The following TG variants were observed in gnomAD, a reference collection of about 807,000 sequenced individuals.
The protein encoded by TG is thyroglobulin, also known as thyroid hormones.
Under a neutral mutation model 324.7 loss-of-function variants are expected in TG, and 270 were observed. The observed-to-expected ratio is 0.83, with a 90% CI of 0.75 to 0.92. The LOEUF is 0.92. TG is among the 40% of genes least tolerant of loss of function. The probability of loss-of-function intolerance (pLI) is 0.00; values close to 1 mark genes in which losing one functional copy is unlikely to be tolerated. For synonymous variants in TG, 1,401 were observed against 1,327.0 expected (o/e 1.06, Z -1.21); for missense variants, 3,591 against 3,456.4 (o/e 1.04, Z -0.98).
chr8:132,991,007 T>A (rs1047358557), intron 35 of TG, among the ~76,000 whole-genome samples: 24 of 150,722 alleles, frequency 1.6e-4, no homozygotes, highest in African/African-American at 5.9e-4. Flanking sequence ...GAGGGAGAAG[T>A]TGAACCTTAG....
In TG at chr8:132,913,151, A is replaced by G. The variant is rs771566027; in HGVS notation, c.4264A>G (p.Ile1422Val). ...LDSKTFPAET[I>V]RFLQGDHFGT... is the part of the protein sequence containing the mutation. ...CTCCAAGACGTTCCCAGCGGAAACC[A>G]TCCGCTTCCTCCAAGGGGACCACTT... The change falls in exon 20 of 48, where the codon ATC becomes GTC. Residue 1422 changes from isoleucine to valine, a missense_variant. Ile to Val is a conservative substitution (Grantham distance 29). Transcript: ENST00000220616. 8 of 1,614,168 alleles carry G rather than the reference A, an allele frequency of 5.0e-6. 1 individual carries two copies. The East Asian group carries it at 6.7e-5, about 13-fold the overall frequency.
chr8:133,051,248 A>G (rs1840354440), intron 41 of TG, among the ~76,000 whole-genome samples: 1 of 152,178 alleles, frequency 6.6e-6, no homozygotes, highest in Non-Finnish European at 1.5e-5. Context: ...CACCCTCTCC[A>G]TCTTTAAAAT....
At chr8:133,107,941 C>A (rs1176203471) in intron 43 of TG, among the ~76,000 whole-genome samples, 1 of 150,560 alleles carries the variant, frequency 6.6e-6, no homozygotes, top group Non-Finnish European at 1.5e-5. Context: ...GAAGGAGGCT[C>A]CATCCATGAT....
Position 133,134,856 on chromosome 8 carries a change from T to C in TG, c.*62T>C. The C allele has an allele frequency of 7.7e-7, 1 of 1,295,912 alleles. No homozygotes were observed. 80.3% of individuals were successfully genotyped at this position (1,295,912 alleles called of 1,614,324 possible). A position where few individuals can be genotyped will look rare whatever the true frequency, so the allele number is the denominator to read the frequency against. ...TGCCCACTATGGTCATCTTTTTCTC[T>C]AAAATAGCCACTTACCTTCAATAAA... On this transcript the variant is annotated 3_prime_UTR_variant, in exon 48 of 48. Transcript: ENST00000220616.
At chr8:132,973,568 C>T (rs765181264) in intron 34 of TG, among the ~76,000 whole-genome samples, 5 of 151,990 alleles carry the variant, frequency 3.3e-5, no homozygotes, top group African/African-American at 9.7e-5. Flanking sequence ...GTTTGTCTTT[C>T]GGAAAGTCAC....
chr8:133,003,012 A>G (rs1200055117), intron 35 of TG: 23 of 1,031,124 alleles, frequency 2.2e-5, no homozygotes, highest in Non-Finnish European at 2.6e-5. Context: ...GAACAACTCC[A>G]TGTTTTCCAA....
chr8:132,945,369 A>G (rs1169327823), intron 26 of TG, among the ~76,000 whole-genome samples: 1 of 152,136 alleles, frequency 6.6e-6, no homozygotes, highest in Non-Finnish European at 1.5e-5. Flanking sequence ...ATTCTTGGGT[A>G]TCTAGCTTGT....
chr8:133,085,337 G>GA (rs1206636767), intron 41 of TG, among the ~76,000 whole-genome samples: 1 of 152,046 alleles, frequency 6.6e-6, no homozygotes, highest in African/African-American at 2.4e-5. Flanking sequence ...GGCAGCAAAA[G>GA]AAAAAATAGA....
At position 132,886,577 on chromosome 8, in the gene TG, C is replaced by G. The variant is rs373267875; in HGVS notation, c.1205C>G (p.Ala402Gly). Residue 402 changes from alanine to glycine, a missense_variant, in exon 9 of 48, where the codon GCC becomes GGC. Ala to Gly is a moderately conservative substitution (Grantham distance 60). Coordinates refer to ENST00000220616, the MANE Select transcript of TG (RefSeq NM_003235.5). ...PEKRWASPRV[A>G]RFATSCPPTI... ...AAAAGATGGGCCTCTCCAAGAGTAGCCAGATTTGCCACATCCTGCCCACCC... is the reference window on the plus strand; with the variant it reads ...AAAAGATGGGCCTCTCCAAGAGTAGGCAGATTTGCCACATCCTGCCCACCC... 3 of 1,614,192 alleles carry G rather than the reference C, an allele frequency of 1.9e-6. No individual in the cohort carries two copies. The highest frequency in any genetic ancestry group is 2.2e-5 in the East Asian group (1 of 44,870).
At chr8:133,107,142 G>A (rs1196861077) in intron 43 of TG, among the ~76,000 whole-genome samples, 3 of 152,126 alleles carry the variant, frequency 2.0e-5, no homozygotes, top group Non-Finnish European at 4.4e-5. Context: ...TTATTGACCT[G>A]AAATGAAGGC....
intron 35 of TG, chr8:133,002,902 C>T (rs1833675249): frequency 1.6e-6 from 1 of 642,594 alleles, no homozygotes; most frequent in Non-Finnish European, 2.0e-6. Flanking sequence ...TCCAGTTTTG[C>T]CATGGTAACA....
intron 20 of TG, among the ~76,000 whole-genome samples, chr8:132,915,954 A>T (rs905464188): frequency 6.6e-6 from 1 of 152,252 alleles, no homozygotes; most frequent in Admixed American, 6.5e-5. Context: ...TTTCTTCAGC[A>T]TCAGTTCTAG....
chr8:132,928,101 C>G (rs1296835320), intron 22 of TG, among the ~76,000 whole-genome samples: 1 of 152,156 alleles, frequency 6.6e-6, no homozygotes, highest in Non-Finnish European at 1.5e-5. Flanking sequence ...CTTCTCTCAA[C>G]CCAATCCCAA....
At chr8:133,030,115 T>A in intron 41 of TG, 92 bp downstream of exon 41, 1 of 1,501,970 alleles carries the variant, frequency 6.7e-7, no homozygotes, top group Non-Finnish European at 9.3e-7. Flanking sequence ...TGGCTTCAAT[T>A]GCTTGGGTTT....
chr8:133,112,201 G>A (rs560524626), intron 43 of TG, among the ~76,000 whole-genome samples: 74 of 152,266 alleles, frequency 4.9e-4, no homozygotes, highest in Non-Finnish European at 9.6e-4. Context: ...CTCATTGATG[G>A]AATTCTAATC....
intron 41 of TG, chr8:133,050,924 A>G (rs1351501411): frequency 1.9e-6 from 3 of 1,589,934 alleles, no homozygotes; most frequent in Non-Finnish European, 1.7e-6. Flanking sequence ...TCCTGGGGAA[A>G]CAAAGGCAAG....
intron 43 of TG, among the ~76,000 whole-genome samples, chr8:133,103,612 T>G (rs777872140): frequency 6.6e-6 from 1 of 152,254 alleles, no homozygotes; most frequent in Non-Finnish European, 1.5e-5. Context: ...TTTTTTCTTC[T>G]GATTTTAAAA....
chr8:132,915,022 A>T (rs1416908203), intron 20 of TG, among the ~76,000 whole-genome samples: 1 of 151,950 alleles, frequency 6.6e-6, no homozygotes, highest in Non-Finnish European at 1.5e-5. Flanking sequence ...CATGTGTCTG[A>T]TGTACATATG....
chr8:133,068,137 C>T (rs907819664), intron 41 of TG, among the ~76,000 whole-genome samples: 1 of 152,174 alleles, frequency 6.6e-6, no homozygotes, highest in African/African-American at 2.4e-5. Flanking sequence ...TCTCACAGGA[C>T]AAGGGAAAGG....
Sources: allele counts gnomAD v4.1 joint callset (sites outside exome capture counted in the v4.1 genomes callset), GRCh38; gene constraint gnomAD v4.1.1; transcripts MANE v1.5; gene names NCBI Gene and HGNC (gene_info 2026-07-23, HGNC 2026-07-21).